FBXL13: variants seen among roughly 807,000 people sequenced by gnomAD.
The protein encoded by FBXL13 is F-box and leucine rich repeat protein 13, also known as F-box and leucine-rich repeat protein 13.
FBXL13 carries 67 observed loss-of-function variants against 83.6 expected under a neutral mutation model. That is an observed-to-expected ratio of 0.80 (90% confidence interval 0.66 to 0.98). The LOEUF is 0.98. Among genes scored for constraint, FBXL13 ranks in the 50% least tolerant of loss-of-function variants. The pLI, the probability that FBXL13 is intolerant of heterozygous loss-of-function variation, is 0.00. For missense variants in FBXL13, 822 were observed against 866.5 expected (o/e 0.95, Z 0.64); for synonymous variants, 272 against 299.5 (o/e 0.91, Z 0.95).
intron 2 of FBXL13, among the ~76,000 whole-genome samples, chr7:103,040,734 T>C (rs1178881993): frequency 6.6e-6 from 1 of 152,070 alleles, no homozygotes; most frequent in Admixed American, 6.5e-5. Context: ...CCTGGCTAAA[T>C]AAATAATAAA....
intron 17 of FBXL13, chr7:102,834,533 G>A (rs548877100): frequency 6.6e-6 from 1 of 150,560 alleles, no homozygotes; most frequent in South Asian, 2.1e-4. Flanking sequence ...TTTATATACT[G>A]TGTTAGTTGA....
At chr7:102,870,259 A>T (rs1181978741) in intron 16 of FBXL13, among the ~76,000 whole-genome samples, 1 of 152,242 alleles carries the variant, frequency 6.6e-6, no homozygotes, top group Non-Finnish European at 1.5e-5. Flanking sequence ...AATATACAGC[A>T]CATTAGGAAC....
In FBXL13 at chr7:102,934,193, C is replaced by T. The variant is rs148914792; in HGVS notation, c.725-2260G>A. On this transcript the variant is annotated intron_variant, in intron 8 of 19. Transcript: ENST00000313221. The stretch of plus-strand genomic sequence containing the variant: ...CATGCTGCTAGCAAGAAACAAGATC[C>T]GCACATTGAAGAACAACATGTTTTC... 2.2e-5 allele frequency: 35 copies of T among 1,614,198 alleles called. No homozygotes were observed. Among genetic ancestry groups the T allele is most frequent in the African/African-American group, 1.7e-4 (13 of 75,044 alleles).
At chr7:102,906,826 C>G (rs933719207) in intron 11 of FBXL13, among the ~76,000 whole-genome samples, 5 of 152,148 alleles carry the variant, frequency 3.3e-5, no homozygotes, top group Non-Finnish European at 5.9e-5. Flanking sequence ...TTGAAGTAGT[C>G]TTCTTTGGGT....
intron 2 of FBXL13, among the ~76,000 whole-genome samples, chr7:103,051,383 C>T (rs779372252): frequency 2.2e-4 from 33 of 151,980 alleles, no homozygotes; most frequent in Non-Finnish European, 4.0e-4. Context: ...TCTGTCGTGA[C>T]TTCCAAACCC....
At chr7:102,879,378 GC>G (rs1018289709) in intron 14 of FBXL13, among the ~76,000 whole-genome samples, 2 of 151,938 alleles carry the variant, frequency 1.3e-5, no homozygotes, top group African/African-American at 4.8e-5. Context: ...ATGCCTGTGT[GC>G]CCATCAACCT....
chr7:102,856,424 T>C (rs1435575373), intron 16 of FBXL13, among the ~76,000 whole-genome samples: 1 of 152,220 alleles, frequency 6.6e-6, no homozygotes, highest in African/African-American at 2.4e-5. Context: ...TATAGAAAAT[T>C]TGTCCTATGA....
chr7:103,049,988 C>T (rs987494940), intron 2 of FBXL13: 1 of 152,202 alleles, frequency 6.6e-6, no homozygotes, highest in Non-Finnish European at 1.5e-5. Context: ...AGCATAGCCA[C>T]GTGGCTACAA....
At chr7:102,813,675 G>T in intron 19 of FBXL13, 144 bp from the exon 21 acceptor site, 1 of 780,724 alleles carries the variant, frequency 1.3e-6, no homozygotes, top group Non-Finnish European at 2.1e-6. Context: ...TGAGAGTGAG[G>T]ATATGGGTAA....
chr7:102,821,611 A>G (rs1798816392), intron 19 of FBXL13, among the ~76,000 whole-genome samples: 1 of 152,220 alleles, frequency 6.6e-6, no homozygotes, highest in Non-Finnish European at 1.5e-5. Flanking sequence ...AAGGATTCTC[A>G]TTTTAAGCAT....
At chr7:102,996,609 G>C (rs545536143) in intron 6 of FBXL13, among the ~76,000 whole-genome samples, 4 of 152,232 alleles carry the variant, frequency 2.6e-5, no homozygotes, top group Admixed American at 6.5e-5. Flanking sequence ...AGTTTAACAA[G>C]GCCTTGTGAC....
intron 6 of FBXL13, among the ~76,000 whole-genome samples, chr7:102,980,663 G>A (rs923426482): frequency 6.6e-6 from 1 of 152,060 alleles, no homozygotes; most frequent in African/African-American, 2.4e-5. Context: ...TGCAGTCCCA[G>A]CTACTCAGGA....
intron 17 of FBXL13, among the ~76,000 whole-genome samples, chr7:102,834,195 AATT>A (rs961445229): frequency 2.0e-5 from 3 of 150,948 alleles, no homozygotes; most frequent in African/African-American, 4.8e-5. Context: ...AAAATGTGAG[AATT>A]ATTATAATTA....
chr7:102,893,767 C>CAAAA (rs1300370815), intron 11 of FBXL13, among the ~76,000 whole-genome samples: 1 of 47,936 alleles, frequency 2.1e-5, no homozygotes, highest in African/African-American at 7.5e-5. Flanking sequence ...GACTCTGTCT[C>CAAAA]AAAAAAAAAA....
intron 11 of FBXL13, among the ~76,000 whole-genome samples, chr7:102,895,642 T>C (rs556853570): frequency 1.3e-5 from 2 of 152,240 alleles, no homozygotes; most frequent in Non-Finnish European, 2.9e-5. Context: ...TGAAGATACA[T>C]GAATCTGTAG....
intron 8 of FBXL13, among the ~76,000 whole-genome samples, chr7:102,960,787 T>C (rs1467323113): frequency 6.6e-6 from 1 of 151,414 alleles, no homozygotes; most frequent in African/African-American, 2.4e-5. Flanking sequence ...TTCAACAACC[T>C]TTCATGCTAA....
chr7:103,035,669 T>C (rs1794999177), intron 2 of FBXL13, among the ~76,000 whole-genome samples: 1 of 152,206 alleles, frequency 6.6e-6, no homozygotes, highest in Non-Finnish European at 1.5e-5. Flanking sequence ...TCTAGTAAAG[T>C]ATTAAGAATC....
chr7:102,934,609 C>A lies in FBXL13; in HGVS notation c.725-2676G>T, dbSNP rs141994496. ...CCCAAGTGTCAGGGAGACCCCCAGT[C>A]ATCAAGCCTGAGGTGGACTCAACTT... On this transcript the variant is annotated intron_variant, in intron 8 of 19. Transcript: ENST00000313221. 107 of 1,613,796 alleles carry A rather than the reference C, an allele frequency of 6.6e-5. No individual in the cohort carries two copies. In the African/African-American group the frequency reaches 1.3e-3, roughly 20 times the overall value.
At chr7:102,979,826 T>G (rs562278141) in intron 6 of FBXL13, among the ~76,000 whole-genome samples, 37 of 152,170 alleles carry the variant, frequency 2.4e-4, no homozygotes, top group Admixed American at 1.9e-3. Flanking sequence ...AAAACATTGC[T>G]GTAAAAAAAT....
Sources: allele counts gnomAD v4.1 joint callset (sites outside exome capture counted in the v4.1 genomes callset), GRCh38; gene constraint gnomAD v4.1.1; transcripts MANE v1.5; gene names NCBI Gene and HGNC (gene_info 2026-07-23, HGNC 2026-07-21).